Variants in HPCAL4 observed in about 807,000 individuals in gnomAD.
HPCAL4 encodes the protein hippocalcin like 4.
In HPCAL4, 16 loss-of-function variants were observed where a neutral mutation model predicts 18.2. The observed-to-expected ratio is 0.88, with a 90% confidence interval of 0.59 to 1.33. HPCAL4 has a LOEUF of 1.33. Ranked by LOEUF, HPCAL4 falls within the 40% of genes most tolerant of loss-of-function variation. The probability of loss-of-function intolerance (pLI) is 0.00; values close to 1 mark genes in which losing one functional copy is unlikely to be tolerated. For synonymous variants in HPCAL4, 80 were observed against 97.5 expected (o/e 0.82, Z 1.06); for missense variants, 214 against 256.6 (o/e 0.83, Z 1.14).
At chr1:39,683,880 G>C (rs1274304858) in intron 3 of HPCAL4, 57 bp downstream of exon 3, 1 of 1,502,326 alleles carries the variant, frequency 6.7e-7, no homozygotes. Context: ...GCGGAGGCAG[G>C]GGCGGGGATG....
chr1:39,684,707 A>T, intron 1 of HPCAL4, 96 bp from the exon 2 acceptor site: 2 of 1,091,896 alleles, frequency 1.8e-6, no homozygotes, highest in East Asian at 5.6e-5. Context: ...GCGGGGTTGC[A>T]GGTTCCTTCC....
In HPCAL4 at chr1:39,684,592, G is replaced by C. The variant is rs765630839; in HGVS notation, c.12C>G (p.Thr4=). The C allele has an allele frequency of 6.2e-7, 1 of 1,602,042 alleles. No individual in the cohort carries two copies. The highest frequency in any genetic ancestry group is 8.5e-7 in the Non-Finnish European group (1 of 1,174,214). Residue 4 remains threonine (T), a synonymous_variant, in exon 2 of 4, where the codon ACC becomes ACG. Transcript: ENST00000372844. MGK[T]NSKLAPEVLE... is the part of the protein sequence containing the mutation. The stretch of plus-strand genomic sequence containing the variant: ...GCACCTCGGGGGCCAGCTTGCTGTT[G>C]GTCTTCCCCATGGCGGGGCCTGTGG...
chr1:39,682,756 G>A lies in HPCAL4; in HGVS notation c.379-23C>T, dbSNP rs1295591013. 3.7e-6 allele frequency: 6 copies of A among 1,610,584 alleles called. No homozygotes were observed. The Admixed American group carries it at 1.0e-4, about 27-fold the overall frequency. On this transcript the variant is annotated intron_variant, in intron 3 of 3. Transcript: ENST00000372844. Reference sequence around the variant, plus strand: ...TGCCTGGTGAGGGAAGGAGGAGGGAGGTGTGAACACCCACAAGGGGCCCCG... The same window carrying A: ...TGCCTGGTGAGGGAAGGAGGAGGGAAGTGTGAACACCCACAAGGGGCCCCG...
chr1:39,686,731 G>A (rs1646678660), intron 1 of HPCAL4, among the ~76,000 whole-genome samples: 1 of 151,960 alleles, frequency 6.6e-6, no homozygotes, highest in East Asian at 1.9e-4. Context: ...TCCTCAGGAA[G>A]TGTGGCCAGA....
chr1:39,687,569 T>C (rs1382064687), intron 1 of HPCAL4, among the ~76,000 whole-genome samples: 1 of 152,210 alleles, frequency 6.6e-6, no homozygotes, highest in Non-Finnish European at 1.5e-5. Flanking sequence ...TTCTCCTCCC[T>C]GCTCTGTGCT....
At position 39,683,964 on chromosome 1, in the gene HPCAL4, C is replaced by T. The variant is rs1646649812; in HGVS notation, c.351G>A (p.Thr117=). The change falls in exon 3 of 4, where the codon ACG becomes ACA. Residue 117 remains threonine, a synonymous_variant. Transcript: ENST00000372844. Reference sequence around the variant, plus strand: ...CGATGATCTCCAGCATCTCCAGGCGCGTGATGCGCCCGTCGCCGTCCAGGT... The same window carrying T: ...CGATGATCTCCAGCATCTCCAGGCGTGTGATGCGCCCGTCGCCGTCCAGGT... ...MYDLDGDGRI[T]RLEMLEIIEA... The T allele has an allele frequency of 6.2e-7, 1 of 1,613,706 alleles. No individual in the cohort carries two copies. Among genetic ancestry groups the T allele is most frequent in the South Asian group, 1.1e-5 (1 of 91,090 alleles).
At chr1:39,690,146 C>T (rs367618741) in intron 1 of HPCAL4, among the ~76,000 whole-genome samples, 249 of 152,274 alleles carry the variant, frequency 1.6e-3, no homozygotes, top group African/African-American at 5.7e-3. Context: ...CCCCGCCCCC[C>T]TCAGGTCTCC....
chr1:39,682,500 C>A lies in HPCAL4; in HGVS notation c.*36G>T, dbSNP rs1350403629. On this transcript the variant is annotated 3_prime_UTR_variant, in exon 4 of 4. Coordinates refer to ENST00000372844, the MANE Select transcript of HPCAL4 (RefSeq NM_016257.4). ...GTCATCAGGTTGGGAGGTGGCCATG[C>A]CCCTTCTGGCCAGGGACCCTGCCCC... 24 of 1,606,544 alleles carry A rather than the reference C, an allele frequency of 1.5e-5. No individual in the cohort carries two copies. The highest frequency in any genetic ancestry group is 2.0e-5 in the Non-Finnish European group (23 of 1,173,862).
chr1:39,685,500 G>A (rs1465610035), intron 1 of HPCAL4, among the ~76,000 whole-genome samples: 1 of 152,198 alleles, frequency 6.6e-6, no homozygotes, highest in Non-Finnish European at 1.5e-5. Flanking sequence ...TTGGGAGGCT[G>A]AGATGAGAGG....
At chr1:39,683,892 C>G in intron 3 of HPCAL4, 45 bp downstream of exon 3, 1 of 1,555,300 alleles carries the variant, frequency 6.4e-7, no homozygotes. Flanking sequence ...GCGGGGATGG[C>G]GAAGCGCTGG....
Position 39,684,032 on chromosome 1 carries a change from C to G in HPCAL4, c.283G>C (p.Gly95Arg), listed in dbSNP as rs1344262179. 8 of 1,614,038 alleles carry G rather than the reference C, an allele frequency of 5.0e-6. No individual in the cohort carries two copies. Among genetic ancestry groups the G allele is most frequent in the Non-Finnish European group, 6.8e-6 (8 of 1,179,932 alleles). ...FICALSVTSR[G>R]SFEQKLNWAF... ...CAGTTGAGCTTCTGCTCGAAGCTGC[C>G]GCGGGAGGTGACCGACAGGGCGCAG... The change falls in exon 3 of 4, where the codon GGC (glycine) becomes CGC (arginine). Residue 95 changes from glycine to arginine, a missense_variant. Coordinates refer to ENST00000372844, the MANE Select transcript of HPCAL4 (RefSeq NM_016257.4).
chr1:39,690,140 G>C (rs947762423), intron 1 of HPCAL4, among the ~76,000 whole-genome samples: 2 of 152,064 alleles, frequency 1.3e-5, no homozygotes, highest in Non-Finnish European at 1.5e-5. Flanking sequence ...AACCAACCCC[G>C]CCCCCCTCAG....
chr1:39,682,810 G>A, intron 3 of HPCAL4, 77 bp from the exon 4 acceptor site: 1 of 1,144,640 alleles, frequency 8.7e-7, no homozygotes, highest in Non-Finnish European at 1.3e-6. Context: ...AAAGGGATCT[G>A]GCAGGGAGAA....
Position 39,682,774 on chromosome 1 carries a change from G to A in HPCAL4, c.379-41C>T, listed in dbSNP as rs567044657. On this transcript the variant is annotated intron_variant, in intron 3 of 3. Coordinates refer to ENST00000372844, the MANE Select transcript of HPCAL4 (RefSeq NM_016257.4). ...GGAGGGAGGTGTGAACACCCACAAG[G>A]GGCCCCGAGAAGCAGCGGGTGAAGG... The A allele has an allele frequency of 2.3e-5, 37 of 1,575,140 alleles. No homozygotes were observed. The South Asian group carries it at 3.8e-4, about 16-fold the overall frequency.
Position 39,682,035 on chromosome 1 carries a change from G to T in HPCAL4, c.*501C>A, listed in dbSNP as rs1452496967. On this transcript the variant is annotated 3_prime_UTR_variant, in exon 4 of 4. Transcript: ENST00000372844. ...AGGTGCTCAGTAATCATTAGCTGAA[G>T]AAAGGACTGAATGAACGCTCCAAAG... 1.2e-5 allele frequency: 2 copies of T among 166,934 alleles called. No individual in the cohort carries two copies. Among genetic ancestry groups the T allele is most frequent in the Non-Finnish European group, 2.6e-5 (2 of 76,552 alleles). 10.3% of individuals were successfully genotyped at this position (166,934 alleles called of 1,614,324 possible).
At chr1:39,685,868 A>T (rs529085931) in intron 1 of HPCAL4, among the ~76,000 whole-genome samples, 1 of 116,840 alleles carries the variant, frequency 8.6e-6, no homozygotes, top group African/African-American at 3.6e-5. Context: ...TGACACAGTG[A>T]GACTCCACCT....
chr1:39,687,293 A>G (rs949759938), intron 1 of HPCAL4, among the ~76,000 whole-genome samples: 1 of 152,236 alleles, frequency 6.6e-6, no homozygotes, highest in Non-Finnish European at 1.5e-5. Context: ...AGGCAAAAGG[A>G]GGCAGGCCTC....
intron 2 of HPCAL4, 38 bp from the exon 3 acceptor site, chr1:39,684,190 C>T: frequency 3.5e-6 from 4 of 1,158,702 alleles, no homozygotes; most frequent in Non-Finnish European, 4.8e-6. Context: ...CAGCGACAGC[C>T]CCGCCCACCC....
In HPCAL4 at chr1:39,682,269, C is replaced by T. The variant is rs1373858488; in HGVS notation, c.*267G>A. 6.4e-6 allele frequency: 3 copies of T among 466,716 alleles called. No individual in the cohort carries two copies. Among genetic ancestry groups the T allele is most frequent in the Non-Finnish European group, 1.2e-5 (3 of 255,658 alleles). The allele number at this position is 466,716 out of a possible 1,614,324, so 28.9% of individuals were successfully genotyped here. A position where few individuals can be genotyped will look rare whatever the true frequency, so the allele number is the denominator to read the frequency against. On this transcript the variant is annotated 3_prime_UTR_variant, in exon 4 of 4. Transcript: ENST00000372844. ...TTAACCTCACCTCCTGGGGCAAAAG[C>T]CAACTCCCCTATGCCCAATGGACAT...
Sources: allele counts gnomAD v4.1 joint callset (sites outside exome capture counted in the v4.1 genomes callset), GRCh38; gene constraint gnomAD v4.1.1; transcripts MANE v1.5; gene names NCBI Gene and HGNC (gene_info 2026-07-23, HGNC 2026-07-21).